Variants in ZFPM2 observed in about 807,000 individuals in gnomAD.
ZFPM2 encodes the protein zinc finger protein ZFPM2.
ZFPM2 carries 20 observed loss-of-function variants against 98.6 expected under a neutral mutation model. That is an observed-to-expected ratio of 0.20 (90% CI 0.14 to 0.29). The LOEUF (loss-of-function observed/expected upper bound fraction) is 0.29. Ranked by LOEUF, ZFPM2 falls within the 10% of genes least tolerant of loss-of-function variation. The pLI is 1.00. For synonymous variants in ZFPM2, 518 were observed against 502.7 expected, an observed-to-expected ratio of 1.03 and a Z score of -0.41; for missense variants, 1,310 against 1,388.6, an observed-to-expected ratio of 0.94 and a Z score of 0.90.
chr8:105,648,503 G>T (rs2130863359), intron 5 of ZFPM2, among the ~76,000 whole-genome samples: 1 of 152,152 alleles, frequency 6.6e-6, no homozygotes, highest in Non-Finnish European at 1.5e-5. Flanking sequence ...GGTTTTTTAT[G>T]GTTTTAGGTC....
chr8:105,493,952 A>G (rs1352377498), intron 3 of ZFPM2, among the ~76,000 whole-genome samples: 2 of 151,692 alleles, frequency 1.3e-5, no homozygotes, highest in Non-Finnish European at 2.9e-5. Flanking sequence ...CTGACCTCCA[A>G]AACAACCAAA....
intron 5 of ZFPM2, chr8:105,784,655 C>T (rs1813359317): frequency 6.9e-6 from 1 of 145,670 alleles, no homozygotes; most frequent in Non-Finnish European, 1.5e-5. Context: ...CTCATAATAA[C>T]ATCATGAGTT....
At chr8:105,795,869 A>T in intron 6 of ZFPM2, 2 of 427,542 alleles carry the variant, frequency 4.7e-6, no homozygotes, top group Non-Finnish European at 9.2e-6. Context: ...GACACATCTT[A>T]AGAGGAGAAT....
At chr8:105,522,567 C>T (rs1443103875) in intron 3 of ZFPM2, among the ~76,000 whole-genome samples, 11 of 151,930 alleles carry the variant, frequency 7.2e-5, no homozygotes, top group African/African-American at 1.2e-4. Context: ...GTCAGGAGTT[C>T]GAGACCAGCC....
chr8:105,580,584 T>C (rs1162479786), intron 4 of ZFPM2, among the ~76,000 whole-genome samples: 1 of 152,094 alleles, frequency 6.6e-6, no homozygotes, highest in Admixed American at 6.6e-5. Context: ...ATACTCTGTT[T>C]CGCTTGACGA....
intron 5 of ZFPM2, among the ~76,000 whole-genome samples, chr8:105,694,143 C>T (rs781262841): frequency 5.3e-5 from 8 of 151,434 alleles, no homozygotes; most frequent in Non-Finnish European, 5.9e-5. Context: ...CCTGTCACTA[C>T]GCCGGCTAAT....
At chr8:105,545,503 A>C (rs1398655848) in intron 3 of ZFPM2, among the ~76,000 whole-genome samples, 2 of 152,146 alleles carry the variant, frequency 1.3e-5, no homozygotes, top group Non-Finnish European at 2.9e-5. Flanking sequence ...TAATATATAA[A>C]TCTACACTAA....
intron 6 of ZFPM2, among the ~76,000 whole-genome samples, chr8:105,793,008 C>T: frequency 6.6e-6 from 1 of 152,124 alleles, no homozygotes; most frequent in Admixed American, 6.5e-5. Context: ...TTCCTGAATA[C>T]AACACACTGA....
At chr8:105,593,987 A>G (rs559511294) in intron 4 of ZFPM2, among the ~76,000 whole-genome samples, 1 of 152,208 alleles carries the variant, frequency 6.6e-6, no homozygotes, top group African/African-American at 2.4e-5. Flanking sequence ...TGACCTTACC[A>G]TAATGCAGCA....
chr8:105,646,071 A>C (rs1817036675), intron 5 of ZFPM2, among the ~76,000 whole-genome samples: 1 of 151,778 alleles, frequency 6.6e-6, no homozygotes, highest in Non-Finnish European at 1.5e-5. Flanking sequence ...AAAAAAAAGA[A>C]AGAAAGGAGA....
At chr8:105,772,175 G>C (rs1812991548) in intron 5 of ZFPM2, among the ~76,000 whole-genome samples, 1 of 152,144 alleles carries the variant, frequency 6.6e-6, no homozygotes, top group Non-Finnish European at 1.5e-5. Flanking sequence ...CTGTGGCCCA[G>C]AACTTCCACT....
intron 5 of ZFPM2, among the ~76,000 whole-genome samples, chr8:105,751,627 T>C (rs1378634964): frequency 6.6e-6 from 1 of 152,068 alleles, no homozygotes; most frequent in Non-Finnish European, 1.5e-5. Context: ...CAATGTCTTA[T>C]TGAGATAACA....
chr8:105,716,427 T>C lies in ZFPM2; in HGVS notation c.533-72291T>C, dbSNP rs1244080049. ...ACATACACACATAAATATATATACA[T>C]ACATACAGATATATCTACATATGTT... On this transcript the variant is annotated intron_variant, in intron 5 of 7. Transcript: ENST00000407775. Among the ~76,000 whole-genome samples the C allele has an allele frequency of 5.3e-5, 8 of 152,034 alleles. No individual in the cohort carries two copies. The South Asian group carries it at 1.5e-3, about 28-fold the overall frequency.
At chr8:105,345,705 C>T (rs977523303) in intron 1 of ZFPM2, among the ~76,000 whole-genome samples, 3 of 151,988 alleles carry the variant, frequency 2.0e-5, no homozygotes, top group African/African-American at 7.2e-5. Context: ...TTATGTGTCT[C>T]TATTGTTAAG....
rs188303552 is a variant in ZFPM2 at position 105,798,522 on chromosome 8, G to A, written c.740-202G>A. 6.1e-4 allele frequency: 309 copies of A among 510,152 alleles called. 3 individuals carry two copies. In the East Asian group the frequency reaches 8.8e-3, roughly 14 times the overall value. The allele number at this position is 510,152 out of a possible 1,614,324, so 31.6% of individuals were successfully genotyped here. On this transcript the variant is annotated intron_variant, in intron 6 of 7. Coordinates refer to ENST00000407775, the MANE Select transcript of ZFPM2 (RefSeq NM_012082.4). ...AGTCTCCTCTTTCTCTAGAGTCTGT[G>A]GGAAGTTAAATTGCAGAGTACAACA...
At chr8:105,669,064 G>A (rs1201388257) in intron 5 of ZFPM2, among the ~76,000 whole-genome samples, 1 of 151,920 alleles carries the variant, frequency 6.6e-6, no homozygotes, top group African/African-American at 2.4e-5. Flanking sequence ...CACTGCTATA[G>A]GATAGAGTAA....
intron 4 of ZFPM2, among the ~76,000 whole-genome samples, chr8:105,594,291 T>C (rs945368976): frequency 1.8e-4 from 27 of 152,248 alleles, no homozygotes; most frequent in African/African-American, 6.3e-4. Flanking sequence ...AAACATTAAT[T>C]TCTAGAAGAT....
chr8:105,729,832 T>C (rs983645828), intron 5 of ZFPM2, among the ~76,000 whole-genome samples: 2 of 151,514 alleles, frequency 1.3e-5, no homozygotes, highest in African/African-American at 4.8e-5. Flanking sequence ...TTTCATTATG[T>C]GTCTACTTGT....
intron 4 of ZFPM2, among the ~76,000 whole-genome samples, chr8:105,610,756 C>A (rs1816293533): frequency 6.6e-6 from 1 of 152,152 alleles, no homozygotes; most frequent in African/African-American, 2.4e-5. Context: ...GTCCAAATAG[C>A]AGGAAAACAA....
Sources: gnomAD v4.1 joint callset for allele counts (sites outside exome capture counted in the v4.1 genomes callset) on GRCh38, gnomAD v4.1.1 for gene constraint, MANE v1.5 for transcripts, NCBI Gene and HGNC (gene_info 2026-07-23, HGNC 2026-07-21) for gene names.